The following ANKRD11 variants were observed in gnomAD, a reference collection of about 807,000 sequenced individuals.
The protein encoded by ANKRD11 is ankyrin repeat domain-containing protein 11.
Under a neutral mutation model 195.7 loss-of-function variants are expected in ANKRD11, and 17 were observed. The observed-to-expected ratio is 0.09, with a 90% CI of 0.06 to 0.13. The LOEUF (loss-of-function observed/expected upper bound fraction) is 0.13, where lower values mean the gene tolerates loss of function less well. Ranked by LOEUF, ANKRD11 falls within the 10% of genes least tolerant of loss-of-function variation. The pLI, the probability that ANKRD11 is intolerant of heterozygous loss-of-function variation, is 1.00. For missense variants in ANKRD11, 3,735 were observed against 3,566.1 expected (o/e 1.05, Z -1.21); for synonymous variants, 1,953 against 1,528.1 (o/e 1.28, Z -6.49).
intron 2 of ANKRD11, chr16:89,372,862 C>A (rs744327): frequency 6.6e-6 from 1 of 151,962 alleles, no homozygotes; most frequent in African/African-American, 2.4e-5. Context: ...CCTGCACCAC[C>A]CGTTCATCAG....
intron 1 of ANKRD11, among the ~76,000 whole-genome samples, chr16:89,450,003 G>T (rs1433396095): frequency 6.6e-6 from 1 of 152,184 alleles, no homozygotes; most frequent in Admixed American, 6.5e-5. Context: ...GCACTGGGGA[G>T]CACTTTATCT....
At chr16:89,308,891 G>A (rs2036453315) in intron 3 of ANKRD11, among the ~76,000 whole-genome samples, 1 of 152,170 alleles carries the variant, frequency 6.6e-6, no homozygotes, top group African/African-American at 2.4e-5. Flanking sequence ...AGTAAACACA[G>A]GAGGTGCGCG....
intron 1 of ANKRD11, among the ~76,000 whole-genome samples, chr16:89,455,381 G>A (rs2056387750): frequency 6.6e-6 from 1 of 152,220 alleles, no homozygotes; most frequent in South Asian, 2.1e-4. Flanking sequence ...CTTAAGTGCT[G>A]TGGCAGCAGT....
chr16:89,278,560 C>T lies in ANKRD11; in HGVS notation c.7470+512G>A, dbSNP rs551506315. 9 of 456,934 alleles carry T rather than the reference C, an allele frequency of 2.0e-5. No individual in the cohort carries two copies. In the East Asian group the frequency reaches 3.5e-4, roughly 18 times the overall value. 28.3% of individuals were successfully genotyped at this position (456,934 alleles called of 1,614,324 possible). A position where few individuals can be genotyped will look rare whatever the true frequency, so the allele number is the denominator to read the frequency against. On this transcript the variant is annotated intron_variant, in intron 9 of 12. Transcript: ENST00000301030. ...GGTGGAACAAGGTGAGGCTGGGGGC[C>T]GAGGACCAAGCTGCCCCAAGGGAGC...
intron 2 of ANKRD11, among the ~76,000 whole-genome samples, chr16:89,401,830 G>A (rs957793135): frequency 1.3e-5 from 2 of 151,936 alleles, no homozygotes; most frequent in African/African-American, 4.8e-5. Context: ...TCGTGGTGAT[G>A]CGTCTACAAG....
At chr16:89,336,324 G>C (rs951477473) in intron 2 of ANKRD11, among the ~76,000 whole-genome samples, 2 of 152,254 alleles carry the variant, frequency 1.3e-5, no homozygotes, top group Admixed American at 6.5e-5. Context: ...GCACGCAACT[G>C]CCCGCACCTC....
In ANKRD11 at chr16:89,490,516, C is replaced by A. The variant is rs1414316125; in HGVS notation, c.-416G>T. 2.1e-6 allele frequency: 1 copy of A among 471,638 alleles called. No homozygotes were observed. Among genetic ancestry groups the A allele is most frequent in the Non-Finnish European group, 3.8e-6 (1 of 262,502 alleles). 29.2% of individuals were successfully genotyped at this position (471,638 alleles called of 1,614,324 possible). ...CGCGGGCTCGGCGGCGGCGCCTCCCCGGCTGGGGCCCTCGGTCCATCGCGC... is the reference window on the plus strand; with the variant it reads ...CGCGGGCTCGGCGGCGGCGCCTCCCAGGCTGGGGCCCTCGGTCCATCGCGC... On this transcript the variant is annotated 5_prime_UTR_variant, in exon 1 of 13. Transcript: ENST00000301030.
intron 2 of ANKRD11, among the ~76,000 whole-genome samples, chr16:89,341,246 C>A (rs565702255): frequency 4.6e-5 from 7 of 152,182 alleles, no homozygotes; most frequent in Admixed American, 4.6e-4. Context: ...CAAGCAGACC[C>A]GGTTTGGAAA....
intron 2 of ANKRD11, among the ~76,000 whole-genome samples, chr16:89,357,726 G>C (rs2039551196): frequency 1.3e-5 from 2 of 152,160 alleles, no homozygotes; most frequent in African/African-American, 4.8e-5. Context: ...CCACTCACAG[G>C]GTCCAGGGAC....
intron 2 of ANKRD11, among the ~76,000 whole-genome samples, chr16:89,391,976 G>C (rs543517004): frequency 6.6e-6 from 1 of 150,652 alleles, no homozygotes; most frequent in African/African-American, 2.5e-5. Flanking sequence ...CTCTTCCTTA[G>C]TTGAAGGTGT....
intron 4 of ANKRD11, among the ~76,000 whole-genome samples, chr16:89,303,974 G>A (rs1011145888): frequency 7.9e-5 from 12 of 152,334 alleles, no homozygotes; most frequent in African/African-American, 2.9e-4. Flanking sequence ...GTCTCAGGAA[G>A]CCAGGGACAG....
At chr16:89,378,925 C>T (rs1355664217) in intron 2 of ANKRD11, among the ~76,000 whole-genome samples, 2 of 147,890 alleles carry the variant, frequency 1.4e-5, no homozygotes, top group African/African-American at 4.9e-5. Flanking sequence ...GTGGGTGGGG[C>T]GAGGTGGGAA....
At chr16:89,385,682 C>T (rs539473148) in intron 2 of ANKRD11, among the ~76,000 whole-genome samples, 2 of 152,370 alleles carry the variant, frequency 1.3e-5, no homozygotes, top group African/African-American at 4.8e-5. Context: ...TACGAATTCA[C>T]TTTAGGTACA....
chr16:89,279,884 C>A lies in ANKRD11; in HGVS notation c.6658G>T (p.Ala2220Ser). ...TCCGGCACCGTCTCCGCCTCCACCG[C>A]AGCTTCTAGAGCCACGTCCAGCTTT... ...EPKLDVALEA[A>S]VEAETVPEER... The change falls in exon 9 of 13, where the codon GCG (alanine) becomes TCG (serine). Residue 2220 changes from alanine to serine, a missense_variant. By Grantham distance (99) the Ala-to-Ser change is moderately conservative. Coordinates refer to ENST00000301030, the MANE Select transcript of ANKRD11 (RefSeq NM_013275.6). The surrounding 1 kb of genome is among the most constrained non-coding windows in gnomAD (Gnocchi z 5.6). 6.3e-7 allele frequency: 1 copy of A among 1,596,936 alleles called. No homozygotes were observed. The highest frequency in any genetic ancestry group is 8.5e-7 in the Non-Finnish European group (1 of 1,173,346).
At chr16:89,442,116 G>A (rs893183595) in intron 1 of ANKRD11, among the ~76,000 whole-genome samples, 1 of 152,214 alleles carries the variant, frequency 6.6e-6, no homozygotes, top group Non-Finnish European at 1.5e-5. Context: ...TGAGCAGTTG[G>A]CACACCGATG....
chr16:89,282,698 C>T lies in ANKRD11; in HGVS notation c.3844G>A (p.Glu1282Lys). 1.9e-6 allele frequency: 3 copies of T among 1,614,156 alleles called. No individual in the cohort carries two copies. The highest frequency in any genetic ancestry group is 2.5e-6 in the Non-Finnish European group (3 of 1,180,034). The part of the protein sequence containing the change: ...RSADAEKSLL[E>K]KLEEEALHEY... ...TGGAGAGCCTCTTCTTCCAACTTTT[C>T]AAGCAGGCTTTTTTCCGCGTCGGCA... is the stretch of plus-strand genomic sequence containing the variant. Residue 1282 changes from glutamate to lysine, a missense_variant, in exon 9 of 13, where the codon GAA becomes AAA. By Grantham distance (56) the Glu-to-Lys change is moderately conservative. Coordinates refer to ENST00000301030, the MANE Select transcript of ANKRD11 (RefSeq NM_013275.6).
chr16:89,271,087 C>T (rs2033111269), intron 11 of ANKRD11, 178 bp from the exon 12 acceptor site: 1 of 668,056 alleles, frequency 1.5e-6, no homozygotes, highest in Non-Finnish European at 2.7e-6. Context: ...CTGCCCATCT[C>T]CCTAAACAGC....
chr16:89,374,194 A>G (rs2040318270), intron 2 of ANKRD11, among the ~76,000 whole-genome samples: 2 of 152,234 alleles, frequency 1.3e-5, no homozygotes, highest in Admixed American at 1.3e-4. Context: ...TTTTAAAAAC[A>G]TTAATATCAG....
In ANKRD11 at chr16:89,370,097, A is replaced by C. The variant is rs1423222218; in HGVS notation, c.-60+48187T>G. On this transcript the variant is annotated intron_variant, in intron 2 of 12. Transcript: ENST00000301030. ...ACTGAGGAAGAATCTCAGGCATGGC[A>C]GGAAGAAGACACACTGCTGTTCAAC... 2.0e-5 allele frequency among the ~76,000 whole-genome samples: 3 copies of C among 152,348 alleles called. No individual in the cohort carries two copies. In the Middle Eastern group the frequency reaches 0.01, roughly 518 times the overall value.
Sources: allele counts gnomAD v4.1 joint callset (sites outside exome capture counted in the v4.1 genomes callset), GRCh38; gene constraint gnomAD v4.1.1; non-coding constraint Gnocchi (gnomAD v3.1); transcripts MANE v1.5; gene names NCBI Gene and HGNC (gene_info 2026-07-23, HGNC 2026-07-21).